FBLN5: variants seen among roughly 807,000 people sequenced by gnomAD.
FBLN5 encodes fibulin 5, also known as fibulin-5.
Under a neutral mutation model 61.6 loss-of-function variants are expected in FBLN5, and 24 were observed. The ratio of observed to expected loss-of-function variants is 0.39; its 90% CI spans 0.28 to 0.55. The LOEUF (loss-of-function observed/expected upper bound fraction) is 0.55. Among genes scored for constraint, FBLN5 ranks in the 20% least tolerant of loss-of-function variants. The pLI is 0.65. For synonymous variants in FBLN5, 213 were observed against 219.8 expected, an observed-to-expected ratio of 0.97 and a Z score of 0.27; for missense variants, 470 against 594.1, an observed-to-expected ratio of 0.79 and a Z score of 2.17.
chr14:91,894,585 G>A (rs1026558006), intron 5 of FBLN5, among the ~76,000 whole-genome samples: 17 of 152,086 alleles, frequency 1.1e-4, no homozygotes, highest in African/African-American at 4.1e-4. Flanking sequence ...ATCTGGGCGT[G>A]GTGGCACATG....
chr14:91,939,388 G>A (rs1477445423), intron 3 of FBLN5, among the ~76,000 whole-genome samples: 1 of 146,882 alleles, frequency 6.8e-6, no homozygotes, highest in Non-Finnish European at 1.5e-5. Flanking sequence ...TGCCCAGGCT[G>A]GAGTACAGTG....
chr14:91,900,517 T>A (rs1334462790), intron 4 of FBLN5, among the ~76,000 whole-genome samples: 1 of 152,202 alleles, frequency 6.6e-6, no homozygotes. Context: ...AGGGAGAACA[T>A]TTTCTAGGTC....
intron 3 of FBLN5, chr14:91,939,823 T>C: frequency 2.5e-6 from 1 of 401,658 alleles, no homozygotes; most frequent in South Asian, 1.9e-5. Context: ...AGGTAGCAGC[T>C]GGAATTAAGC....
intron 6 of FBLN5, 84 bp from the exon 7 acceptor site, chr14:91,887,396 A>G: frequency 7.2e-7 from 1 of 1,392,910 alleles, no homozygotes; most frequent in Non-Finnish European, 1.0e-6. Flanking sequence ...CAGCAACGAA[A>G]TCTACCACCA....
chr14:91,885,741 G>A (rs146710981), intron 7 of FBLN5, among the ~76,000 whole-genome samples: 2 of 152,290 alleles, frequency 1.3e-5, no homozygotes, highest in Non-Finnish European at 2.9e-5. Context: ...TCTACCATAT[G>A]GCCTATGCAG....
intron 4 of FBLN5, among the ~76,000 whole-genome samples, chr14:91,928,784 C>T (rs1223485595): frequency 1.3e-5 from 2 of 151,796 alleles, no homozygotes; most frequent in African/African-American, 2.4e-5. Context: ...TCAGGCCGGG[C>T]GCAGTGGCTC....
At chr14:91,903,302 A>G (rs974387753) in intron 4 of FBLN5, among the ~76,000 whole-genome samples, 12 of 152,138 alleles carry the variant, frequency 7.9e-5, no homozygotes, top group African/African-American at 2.9e-4. Flanking sequence ...CTATGGCTGC[A>G]ATGCCTTGGC....
chr14:91,875,957 C>T (rs1004057127), intron 10 of FBLN5, among the ~76,000 whole-genome samples: 9 of 152,164 alleles, frequency 5.9e-5, no homozygotes, highest in East Asian at 1.9e-4. Context: ...GATCCAACAG[C>T]GTGAGAAAAA....
chr14:91,870,168 CTT>C lies in FBLN5; in HGVS notation c.*54_*55del. ...TCTCATTCTCTCTGTTATTTCCTCT[CTT>C]CTCCTGTCCCTTGGTGCCAATGAGA... is the stretch of plus-strand genomic sequence containing the variant. On this transcript the variant is annotated 3_prime_UTR_variant, in exon 11 of 11. Transcript: ENST00000342058. The C allele has an allele frequency of 6.5e-7, 1 of 1,545,104 alleles. No individual in the cohort carries two copies. Among genetic ancestry groups the C allele is most frequent in the Non-Finnish European group, 9.0e-7 (1 of 1,117,188 alleles).
In FBLN5 at chr14:91,898,833, G is replaced by A. The variant is rs530786613; in HGVS notation, c.380-3761C>T. ...TTTTTTTTTTTTGCGACGGAATCTC[G>A]CTCTGTCGCCCAGGCTGGACTGCAG... On this transcript the variant is annotated intron_variant, in intron 4 of 10. Transcript: ENST00000342058. Among the ~76,000 whole-genome samples, 27 of 116,328 alleles carry A rather than the reference G, an allele frequency of 2.3e-4. No homozygotes were observed. The Admixed American group carries it at 2.5e-3, about 11-fold the overall frequency. The allele number at this position is 116,328 out of a possible 152,430, so 76.3% of individuals were successfully genotyped here. A position where few individuals can be genotyped will look rare whatever the true frequency, so the allele number is the denominator to read the frequency against.
intron 4 of FBLN5, among the ~76,000 whole-genome samples, chr14:91,929,112 CA>C (rs1400294587): frequency 0.016 from 2,248 of 144,770 alleles, 64 homozygotes; most frequent in African/African-American, 0.054. Context: ...CACACACACA[CA>C]CCCCACACAC....
At chr14:91,897,427 T>C (rs1287793144) in intron 4 of FBLN5, among the ~76,000 whole-genome samples, 2 of 152,254 alleles carry the variant, frequency 1.3e-5, no homozygotes, top group Admixed American at 6.5e-5. Context: ...GGCAATTGTG[T>C]GCTGGGAACA....
intron 4 of FBLN5, among the ~76,000 whole-genome samples, chr14:91,913,720 A>C (rs1407882603): frequency 6.6e-6 from 1 of 152,256 alleles, no homozygotes; most frequent in Non-Finnish European, 1.5e-5. Context: ...TGACATCTAC[A>C]TTCTTGGCAT....
At chr14:91,936,812 G>T (rs1264130380) in intron 4 of FBLN5, 135 bp downstream of exon 4, 1 of 1,063,908 alleles carries the variant, frequency 9.4e-7, no homozygotes, top group African/African-American at 1.6e-5. Flanking sequence ...AGTGAAATAA[G>T]TATGCAGAGA....
chr14:91,942,921 G>A lies in FBLN5; in HGVS notation c.58C>T (p.Pro20Ser), dbSNP rs1252628416. The A allele has an allele frequency of 6.5e-7, 1 of 1,547,398 alleles. No homozygotes were observed. Among genetic ancestry groups the A allele is most frequent in the East Asian group, 2.4e-5 (1 of 41,246 alleles). The change falls in exon 2 of 11, where the codon CCT (proline) becomes TCT (serine). Residue 20 changes from proline (P) to serine (S), a missense_variant. Transcript: ENST00000342058. ...AAAAATCTTACCTGTGCATTCCCAG[G>A]GCTTGGAAGACAGAGAGCCAGAATG... Reference protein sequence around the residue: ...VTILALCLPSPGNAQAQCTNG... With the variant: ...VTILALCLPSSGNAQAQCTNG...
chr14:91,906,079 G>T (rs1035665363), intron 4 of FBLN5, among the ~76,000 whole-genome samples: 4 of 152,110 alleles, frequency 2.6e-5, no homozygotes, highest in Admixed American at 1.3e-4. Context: ...TAGAGACAGG[G>T]TTTTGCCATG....
At chr14:91,932,630 C>T (rs1368752386) in intron 4 of FBLN5, among the ~76,000 whole-genome samples, 1 of 152,208 alleles carries the variant, frequency 6.6e-6, no homozygotes, top group Non-Finnish European at 1.5e-5. Context: ...AAGATGCTAC[C>T]TGCAAAATAG....
At chr14:91,925,638 C>T (rs552862581) in intron 4 of FBLN5, among the ~76,000 whole-genome samples, 8 of 152,316 alleles carry the variant, frequency 5.3e-5, no homozygotes, top group African/African-American at 1.4e-4. Context: ...CTTCAAGGTA[C>T]GAAGGGCACA....
At chr14:91,920,019 G>A (rs1238303512) in intron 4 of FBLN5, among the ~76,000 whole-genome samples, 1 of 152,104 alleles carries the variant, frequency 6.6e-6, no homozygotes, top group Non-Finnish European at 1.5e-5. Context: ...AGTTCTTGTT[G>A]ACTAGAACTT....
Sources: gnomAD v4.1 joint callset for allele counts (sites outside exome capture counted in the v4.1 genomes callset) on GRCh38, gnomAD v4.1.1 for gene constraint, MANE v1.5 for transcripts, NCBI Gene and HGNC (gene_info 2026-07-23, HGNC 2026-07-21) for gene names.